The following VPS54 variants were observed in gnomAD, a reference collection of about 807,000 sequenced individuals.
The protein encoded by VPS54 is vacuolar protein sorting-associated protein 54.
Under a neutral mutation model 121.5 loss-of-function variants are expected in VPS54, and 45 were observed. That is an observed-to-expected ratio of 0.37 (90% confidence interval 0.29 to 0.47). The LOEUF (loss-of-function observed/expected upper bound fraction) is 0.47, where lower values mean the gene tolerates loss of function less well. Among genes scored for constraint, VPS54 ranks in the 20% least tolerant of loss-of-function variants. The pLI is 0.99. For synonymous variants in VPS54, 371 were observed against 385.8 expected, an observed-to-expected ratio of 0.96 and a Z score of 0.45; for missense variants, 1,090 against 1,131.4, an observed-to-expected ratio of 0.96 and a Z score of 0.52.
intron 7 of VPS54, 57 bp from the exon 8 acceptor site, chr2:63,949,220 C>T (rs1675128080): frequency 2.7e-5 from 41 of 1,543,164 alleles, no homozygotes; most frequent in South Asian, 1.4e-4. Context: ...CAAATTCGCT[C>T]CACAATCAAG....
chr2:63,936,949 C>G (rs1674482639), intron 11 of VPS54, among the ~76,000 whole-genome samples: 1 of 152,122 alleles, frequency 6.6e-6, no homozygotes, highest in East Asian at 1.9e-4. Context: ...TATCCACATG[C>G]TAAAGAATGA....
At chr2:63,990,618 G>A (rs980286341) in intron 1 of VPS54, among the ~76,000 whole-genome samples, 3 of 150,012 alleles carry the variant, frequency 2.0e-5, no homozygotes, top group Non-Finnish European at 3.0e-5. Flanking sequence ...ATCCTGGTCC[G>A]ACCCCCTCAA....
At chr2:63,999,239 T>C (rs1316011482) in intron 1 of VPS54, among the ~76,000 whole-genome samples, 2 of 152,212 alleles carry the variant, frequency 1.3e-5, no homozygotes, top group Admixed American at 6.5e-5. Context: ...TGTGAGCCAC[T>C]GCACCTGGCC....
At chr2:63,895,441 G>A (rs1334228775) in intron 22 of VPS54, among the ~76,000 whole-genome samples, 1 of 152,148 alleles carries the variant, frequency 6.6e-6, no homozygotes, top group Non-Finnish European at 1.5e-5. Context: ...GTGACAGAGT[G>A]ATACTCCATC....
intron 1 of VPS54, among the ~76,000 whole-genome samples, chr2:64,017,555 C>T (rs1678766158): frequency 1.3e-5 from 2 of 152,100 alleles, no homozygotes; most frequent in South Asian, 4.1e-4. Context: ...TTCAAAAACA[C>T]TTCAGAAAGC....
intron 21 of VPS54, among the ~76,000 whole-genome samples, chr2:63,898,955 A>G (rs1181126353): frequency 6.6e-6 from 1 of 152,170 alleles, no homozygotes; most frequent in Non-Finnish European, 1.5e-5. Context: ...TTCATAGCTG[A>G]GAGGTGTCAA....
In VPS54 at chr2:63,956,655, T is replaced by C. The variant is rs531375916; in HGVS notation, c.1010+5403A>G. On this transcript the variant is annotated intron_variant, in intron 7 of 22. Transcript: ENST00000272322. The stretch of plus-strand genomic sequence containing the variant: ...CTGTACTGTTACTTAACTTGCTATA[T>C]GACCTCAGTTTTCCTATCTGTAAAG... Among the ~76,000 whole-genome samples, 52 of 152,348 alleles carry C rather than the reference T, an allele frequency of 3.4e-4. 2 individuals carry two copies. The South Asian group carries it at 0.011, about 31-fold the overall frequency.
In VPS54 at chr2:63,915,794, G is replaced by A. The variant is rs3770386; in HGVS notation, c.2228+1106C>T. On this transcript the variant is annotated intron_variant, in intron 16 of 22. Coordinates refer to ENST00000272322, the MANE Select transcript of VPS54 (RefSeq NM_016516.3). ...TAGAATGTGTGGACTTCAGGTATTTGAATACAGATACAGAAAAAGGATTAA... is the reference window on the plus strand; with the variant it reads ...TAGAATGTGTGGACTTCAGGTATTTAAATACAGATACAGAAAAAGGATTAA... 3.8e-3 allele frequency among the ~76,000 whole-genome samples: 578 copies of A among 152,270 alleles called. 11 individuals carry two copies. The East Asian group carries it at 0.044, about 11-fold the overall frequency.
At chr2:63,955,658 C>T (rs906631641) in intron 7 of VPS54, among the ~76,000 whole-genome samples, 11 of 151,940 alleles carry the variant, frequency 7.2e-5, no homozygotes, top group African/African-American at 2.2e-4. Flanking sequence ...TCAATACTAA[C>T]ACCAAACAGT....
At chr2:63,894,381 C>T (rs914727199) in intron 22 of VPS54, among the ~76,000 whole-genome samples, 6 of 152,112 alleles carry the variant, frequency 3.9e-5, no homozygotes, top group African/African-American at 1.2e-4. Flanking sequence ...AGCAATTTAT[C>T]ACTAGGGGAA....
intron 1 of VPS54, among the ~76,000 whole-genome samples, chr2:63,997,737 A>G (rs1268536099): frequency 6.6e-6 from 1 of 151,310 alleles, no homozygotes; most frequent in Middle Eastern, 3.2e-3. Flanking sequence ...TTTTTCCACT[A>G]ATTTTGTTTG....
At position 63,947,392 on chromosome 2, in the gene VPS54, G is replaced by T; in HGVS notation, c.1236C>A (p.Ile412=). Reference sequence around the variant, plus strand: ...AAAAATGCATAATTACCTGTTTAATGATATTCTTTGCTGTAATAACCATTT... The same window carrying T: ...AAAAATGCATAATTACCTGTTTAATTATATTCTTTGCTGTAATAACCATTT... ...GEKMVITAKN[I]IKQCVINKVS... Residue 412 remains isoleucine (I), a synonymous_variant, in exon 9 of 23, where the codon ATC becomes ATA. Coordinates refer to ENST00000272322, the MANE Select transcript of VPS54 (RefSeq NM_016516.3). 6.4e-7 allele frequency: 1 copy of T among 1,551,696 alleles called. No individual in the cohort carries two copies. Among genetic ancestry groups the T allele is most frequent in the South Asian group, 1.2e-5 (1 of 86,418 alleles).
At chr2:63,938,967 C>A (rs911368787) in intron 11 of VPS54, among the ~76,000 whole-genome samples, 2 of 152,146 alleles carry the variant, frequency 1.3e-5, no homozygotes, top group African/African-American at 4.8e-5. Context: ...ATACAAATAA[C>A]AGCAACAGAT....
chr2:63,945,540 G>A (rs1350453587), intron 9 of VPS54, among the ~76,000 whole-genome samples: 3 of 151,594 alleles, frequency 2.0e-5, no homozygotes, highest in Non-Finnish European at 4.4e-5. Context: ...CTGAACTTAA[G>A]ATAAAAAAAA....
intron 3 of VPS54, among the ~76,000 whole-genome samples, chr2:63,972,492 T>G (rs772525569): frequency 6.6e-6 from 1 of 152,204 alleles, no homozygotes; most frequent in African/African-American, 2.4e-5. Context: ...AATCTCCATA[T>G]GTAGAATAAA....
intron 7 of VPS54, among the ~76,000 whole-genome samples, chr2:63,950,571 C>T (rs1675193466): frequency 6.6e-6 from 1 of 152,144 alleles, no homozygotes; most frequent in Non-Finnish European, 1.5e-5. Flanking sequence ...AAAGGGTTCT[C>T]ATCCAGGTCT....
intron 12 of VPS54, among the ~76,000 whole-genome samples, chr2:63,932,301 T>C (rs1269200489): frequency 2.6e-5 from 4 of 152,166 alleles, no homozygotes; most frequent in African/African-American, 4.8e-5. Context: ...ATGTGGCACA[T>C]ATACACCGTG....
At position 64,011,325 on chromosome 2, in the gene VPS54, T is replaced by A. The variant is rs548429907; in HGVS notation, c.-21+7613A>T. On this transcript the variant is annotated intron_variant, in intron 1 of 22. Transcript: ENST00000272322. ...GCTCATGCCTGTAATCCCAGCACTT[T>A]GGGAGGCTGAGGCAGGCAGGTCACA... is the stretch of plus-strand genomic sequence containing the variant. Among the ~76,000 whole-genome samples the A allele has an allele frequency of 1.1e-3, 160 of 152,230 alleles. 1 individual carries two copies. In the South Asian group the frequency reaches 0.011, roughly 10 times the overall value.
At chr2:63,973,421 T>C (rs1017458701) in intron 3 of VPS54, among the ~76,000 whole-genome samples, 1 of 152,244 alleles carries the variant, frequency 6.6e-6, no homozygotes, top group African/African-American at 2.4e-5. Flanking sequence ...ATGTTGACCA[T>C]CTTTCCATGT....
Sources: allele counts gnomAD v4.1 joint callset (sites outside exome capture counted in the v4.1 genomes callset), GRCh38; gene constraint gnomAD v4.1.1; transcripts MANE v1.5; gene names NCBI Gene and HGNC (gene_info 2026-07-23, HGNC 2026-07-21).